Variants in LRBA observed in about 807,000 individuals in gnomAD.
The protein encoded by LRBA is lipopolysaccharide-responsive and beige-like anchor protein.
A neutral mutation model predicts 330.0 loss-of-function variants in LRBA; 176 were observed. The observed-to-expected ratio is 0.53, with a 90% CI of 0.47 to 0.60. The LOEUF is 0.60. Among genes scored for constraint, LRBA ranks in the 20% least tolerant of loss-of-function variants. LRBA has a pLI of 0.00. For synonymous variants in LRBA, 1,230 were observed against 1,193.0 expected (o/e 1.03, Z -0.64); for missense variants, 3,259 against 3,444.8 (o/e 0.95, Z 1.35).
At chr4:150,792,443 A>G (rs560259882) in intron 34 of LRBA, among the ~76,000 whole-genome samples, 4 of 152,336 alleles carry the variant, frequency 2.6e-5, no homozygotes, top group Middle Eastern at 6.8e-3. Flanking sequence ...TTCACTGAAC[A>G]GTACACTTAA....
intron 32 of LRBA, 53 bp from the exon 33 acceptor site, chr4:150,806,457 T>G: frequency 7.8e-7 from 1 of 1,274,914 alleles, no homozygotes; most frequent in Non-Finnish European, 1.0e-6. Context: ...GTATCAATTT[T>G]CTAGTTTTGA....
At chr4:150,736,800 A>C (rs931570985) in intron 35 of LRBA, among the ~76,000 whole-genome samples, 6 of 152,204 alleles carry the variant, frequency 3.9e-5, no homozygotes, top group Non-Finnish European at 8.8e-5. Flanking sequence ...AGTAATAGTA[A>C]AACTATCAAA....
At chr4:150,778,412 A>G (rs537615099) in intron 34 of LRBA, among the ~76,000 whole-genome samples, 2 of 152,326 alleles carry the variant, frequency 1.3e-5, no homozygotes, top group African/African-American at 4.8e-5. Context: ...ATGCAAATCA[A>G]TTATGTAATT....
At chr4:150,563,310 T>A in intron 40 of LRBA, among the ~76,000 whole-genome samples, 1 of 152,238 alleles carries the variant, frequency 6.6e-6, no homozygotes, top group East Asian at 1.9e-4. Context: ...ACTATATGAT[T>A]ATCTCAATAG....
chr4:150,807,499 G>GA (rs1278014408), intron 32 of LRBA, among the ~76,000 whole-genome samples: 2 of 152,140 alleles, frequency 1.3e-5, no homozygotes, highest in Non-Finnish European at 2.9e-5. Context: ...TCCAGTGGTG[G>GA]AAAATACACT....
chr4:150,664,308 G>A (rs937154091), intron 37 of LRBA, among the ~76,000 whole-genome samples: 1 of 152,140 alleles, frequency 6.6e-6, no homozygotes, highest in Non-Finnish European at 1.5e-5. Context: ...ATGGAAAGCT[G>A]TTCTGATCTC....
intron 2 of LRBA, among the ~76,000 whole-genome samples, chr4:151,009,069 G>A (rs775033241): frequency 8.0e-6 from 1 of 125,056 alleles, no homozygotes; most frequent in Non-Finnish European, 1.6e-5. Flanking sequence ...GTCTTACTAT[G>A]TTGCACAGGC....
At chr4:150,281,476 T>C (rs1336895905) in intron 55 of LRBA, among the ~76,000 whole-genome samples, 1 of 152,152 alleles carries the variant, frequency 6.6e-6, no homozygotes, top group African/African-American at 2.4e-5. Flanking sequence ...CTTTGTTCCC[T>C]GAGACCAGTA....
At chr4:150,856,656 A>G (rs887819798) in intron 22 of LRBA, among the ~76,000 whole-genome samples, 12 of 152,188 alleles carry the variant, frequency 7.9e-5, no homozygotes, top group African/African-American at 2.9e-4. Context: ...TAAAAGCTAA[A>G]TTGCAATTGA....
intron 48 of LRBA, among the ~76,000 whole-genome samples, chr4:150,340,260 T>C (rs921034422): frequency 3.3e-5 from 5 of 152,116 alleles, no homozygotes; most frequent in African/African-American, 1.2e-4. Context: ...TAACTGAATA[T>C]TTTTTTCACA....
chr4:151,004,892 C>A (rs1041217467), intron 2 of LRBA, among the ~76,000 whole-genome samples: 1 of 152,118 alleles, frequency 6.6e-6, no homozygotes, highest in South Asian at 2.1e-4. Context: ...GAGGCTGAAA[C>A]AGGAGAATCA....
chr4:150,525,386 C>G (rs1763352800), intron 40 of LRBA, among the ~76,000 whole-genome samples: 1 of 151,702 alleles, frequency 6.6e-6, no homozygotes. Flanking sequence ...TTATCAGGGA[C>G]TCAAGTTCAA....
At chr4:150,738,854 A>G (rs979991892) in intron 35 of LRBA, among the ~76,000 whole-genome samples, 4 of 149,680 alleles carry the variant, frequency 2.7e-5, no homozygotes, top group Non-Finnish European at 4.5e-5. Flanking sequence ...CAGAAGAAGG[A>G]AAAAAAAAAG....
intron 44 of LRBA, among the ~76,000 whole-genome samples, chr4:150,456,852 T>C (rs1754142583): frequency 6.6e-6 from 1 of 152,076 alleles, no homozygotes; most frequent in African/African-American, 2.4e-5. Flanking sequence ...TTGTATATGG[T>C]TAGAGATAAG....
At chr4:150,487,687 A>G in intron 42 of LRBA, 45 bp downstream of exon 42, 1 of 1,076,938 alleles carries the variant, frequency 9.3e-7, no homozygotes, top group East Asian at 2.4e-5. Context: ...TATTATAACT[A>G]TTAAGACACT....
intron 44 of LRBA, among the ~76,000 whole-genome samples, chr4:150,443,013 C>T (rs1367396333): frequency 1.3e-5 from 2 of 152,134 alleles, no homozygotes; most frequent in Non-Finnish European, 2.9e-5. Flanking sequence ...TTCTACGAGT[C>T]TTACATAAAT....
At chr4:150,326,601 C>T (rs1733299907) in intron 48 of LRBA, among the ~76,000 whole-genome samples, 1 of 152,186 alleles carries the variant, frequency 6.6e-6, no homozygotes, top group Admixed American at 6.5e-5. Flanking sequence ...CCATCACCAA[C>T]CACCCATCAT....
chr4:150,679,581 A>AT (rs1782873242), intron 37 of LRBA: 1 of 152,120 alleles, frequency 6.6e-6, no homozygotes, highest in South Asian at 2.1e-4. Context: ...CATCACAAAG[A>AT]TTTTACCGGC....
chr4:150,503,791 G>T (rs1053483512), intron 40 of LRBA, among the ~76,000 whole-genome samples: 1 of 151,960 alleles, frequency 6.6e-6, no homozygotes, highest in Admixed American at 6.5e-5. Flanking sequence ...ATCAAACTAC[G>T]CTGAGCTACA....
Sources: allele counts gnomAD v4.1 joint callset (sites outside exome capture counted in the v4.1 genomes callset), GRCh38; gene constraint gnomAD v4.1.1; transcripts MANE v1.5; gene names NCBI Gene and HGNC (gene_info 2026-07-23, HGNC 2026-07-21).